The following NQO2 variants were observed in gnomAD, a reference collection of about 807,000 sequenced individuals.
The protein encoded by NQO2 is ribosyldihydronicotinamide dehydrogenase [quinone].
NQO2 carries 18 observed loss-of-function variants against 22.0 expected under a neutral mutation model. That is an observed-to-expected ratio of 0.82 (90% CI 0.56 to 1.21). NQO2 has a LOEUF of 1.21. NQO2 is among the 50% of genes most tolerant of loss of function. The pLI, the probability that NQO2 is intolerant of heterozygous loss-of-function variation, is 0.00. For missense variants in NQO2, 267 were observed against 286.9 expected, an observed-to-expected ratio of 0.93 and a Z score of 0.50; for synonymous variants, 106 against 110.8, an observed-to-expected ratio of 0.96 and a Z score of 0.28.
At position 3,012,549 on chromosome 6, in the gene NQO2, CT is replaced by C; in HGVS notation, c.181del (p.Ser61LeufsTer37). The C allele has an allele frequency of 6.2e-7, 1 of 1,614,074 alleles. No individual in the cohort carries two copies. Among genetic ancestry groups the C allele is most frequent in the Non-Finnish European group, 8.5e-7 (1 of 1,179,976 alleles). The stretch of plus-strand genomic sequence containing the variant: ...TTTGGCCTCTTCCCCGACAGGTACT[CT>C]TTCTAATCCTGAGGTTTTCAATTAT... ...RATDKDITGT[L>X]SNPEVFNYGV... On this transcript the variant is annotated frameshift_variant, in exon 4 of 7. Coordinates refer to ENST00000380455, the MANE Select transcript of NQO2 (RefSeq NM_000904.6). LOFTEE classifies it high-confidence loss of function.
chr6:3,015,131 G>A, intron 4 of NQO2: 1 of 1,298,344 alleles, frequency 7.7e-7, no homozygotes, highest in Non-Finnish European at 1.0e-6. Context: ...ACCGAACTCA[G>A]TCTGACTTCC....
intron 5 of NQO2, among the ~76,000 whole-genome samples, chr6:3,016,430 C>CAAAAAAAAAAAAAAAAAAAAAAAAAA (rs36118697): frequency 3.5e-5 from 3 of 85,696 alleles, no homozygotes; most frequent in African/African-American, 1.4e-4. Context: ...GACTCTGTCT[C>CAAAAAAAAAAAAAAAAAAAAAAAAAA]AAAAAAAAAA....
At chr6:3,009,768 G>A (rs1757080013) in intron 2 of NQO2, 1 of 215,084 alleles carries the variant, frequency 4.6e-6, no homozygotes. Context: ...TCAGGAGACT[G>A]AGGCATGAGA....
At chr6:3,011,802 CT>C (rs1757145022) in intron 3 of NQO2, among the ~76,000 whole-genome samples, 1 of 152,148 alleles carries the variant, frequency 6.6e-6, no homozygotes, top group Non-Finnish European at 1.5e-5. Context: ...AAGAACAAAA[CT>C]GTCAACCAAG....
chr6:3,005,606 G>C, intron 1 of NQO2: 1 of 982,474 alleles, frequency 1.0e-6, no homozygotes, highest in Non-Finnish European at 1.2e-6. Context: ...TTGTTGTTAA[G>C]TTTTATCTGA....
intron 4 of NQO2, among the ~76,000 whole-genome samples, chr6:3,014,701 C>A (rs751199847): frequency 7.9e-5 from 12 of 152,156 alleles, no homozygotes; most frequent in Admixed American, 2.0e-4. Context: ...AAATTTCATT[C>A]ATCACTACTG....
intron 6 of NQO2, among the ~76,000 whole-genome samples, chr6:3,018,910 A>G (rs28383649): frequency 0.057 from 8,589 of 151,396 alleles, 412 homozygotes; most frequent in African/African-American, 0.12. Context: ...AAAAGAGAAA[A>G]TCCCTTTAAT....
In NQO2 at chr6:3,006,388, C is replaced by T; in HGVS notation, c.-85-80C>T. 1 of 1,438,394 alleles carries T rather than the reference C, an allele frequency of 7.0e-7. No homozygotes were observed. The allele number at this position is 1,438,394 out of a possible 1,614,324, so 89.1% of individuals were successfully genotyped here. A position where few individuals can be genotyped will look rare whatever the true frequency, so the allele number is the denominator to read the frequency against. ...ATGTGTTTGCGTGTCTGTCAGGAAG[C>T]AGCAGTGATGCCTAGATGTGGTACA... On this transcript the variant is annotated intron_variant, in intron 1 of 6. Transcript: ENST00000380455. This position sits in a 1 kb window ranked among gnomAD's most constrained non-coding sequence, Gnocchi z 4.0.
At position 3,012,541 on chromosome 6, in the gene NQO2, C is replaced by T. The variant is rs766238170; in HGVS notation, c.173-3C>T. 1.2e-6 allele frequency: 2 copies of T among 1,613,892 alleles called. No homozygotes were observed. The highest frequency in any genetic ancestry group is 2.2e-5 in the East Asian group (1 of 44,892). ...TGAGAATGTTTGGCCTCTTCCCCGA[C>T]AGGTACTCTTTCTAATCCTGAGGTT... On this transcript the variant is annotated splice_polypyrimidine_tract_variant and splice_region_variant and intron_variant, in intron 3 of 6. Transcript: ENST00000380455.
chr6:3,002,067 T>C, intron 1 of NQO2: 1 of 254,798 alleles, frequency 3.9e-6, no homozygotes, highest in Non-Finnish European at 6.2e-6. Context: ...GAGACAGAAG[T>C]CACAAACTCA....
intron 4 of NQO2, among the ~76,000 whole-genome samples, chr6:3,014,486 G>A (rs1031916529): frequency 2.6e-5 from 4 of 152,122 alleles, no homozygotes; most frequent in Non-Finnish European, 4.4e-5. Flanking sequence ...CCCTTGGGTC[G>A]GCCGGCCACG....
Position 3,009,979 on chromosome 6 carries a change from G to A in NQO2, c.8-46G>A, listed in dbSNP as rs1458553973. 8 of 1,572,264 alleles carry A rather than the reference G, an allele frequency of 5.1e-6. No individual in the cohort carries two copies. The African/African-American group carries it at 9.5e-5, about 19-fold the overall frequency. On this transcript the variant is annotated intron_variant, in intron 2 of 6. Transcript: ENST00000380455. ...ATCTTAGTCTTCATTGAATTTAACA[G>A]AGAGAGGTTGTTCTTCAAGAGGAAC...
In NQO2 at chr6:3,012,946, C is replaced by CTTT. The variant is rs751626888; in HGVS notation, c.303+297_303+299dup. Among the ~76,000 whole-genome samples, 30 of 60,722 alleles carry CTTT rather than the reference C, an allele frequency of 4.9e-4. 8 individuals are homozygous for CTTT. The highest frequency in any genetic ancestry group is 6.6e-4 in the African/African-American group (9 of 13,538). The allele number at this position is 60,722 out of a possible 152,430, so 39.8% of individuals were successfully genotyped here. ...AACACTGTACGTAGATGTAACACTA[C>CTTT]TTTTTTTTTTTTTTTTTTTTTTTTT... On this transcript the variant is annotated intron_variant, in intron 4 of 6. Coordinates refer to ENST00000380455, the MANE Select transcript of NQO2 (RefSeq NM_000904.6).
At chr6:3,012,328 A>G (rs750072954) in intron 3 of NQO2, 18 of 917,556 alleles carry the variant, frequency 2.0e-5, no homozygotes, top group Non-Finnish European at 2.3e-5. Context: ...ATGTGTGTAG[A>G]GCACAGCACC....
chr6:3,008,165 C>G (rs1054381169), intron 2 of NQO2, among the ~76,000 whole-genome samples: 1 of 152,190 alleles, frequency 6.6e-6, no homozygotes, highest in Admixed American at 6.5e-5. Flanking sequence ...TACCAGTAAT[C>G]CCAGCACTCT....
intron 3 of NQO2, 93 bp downstream of exon 3, chr6:3,010,282 A>G: frequency 6.1e-6 from 7 of 1,138,554 alleles, no homozygotes; most frequent in Non-Finnish European, 8.5e-6. Flanking sequence ...ATGGCATTAT[A>G]GAAGCAAGCT....
At chr6:3,012,281 A>C in intron 3 of NQO2, 1 of 606,984 alleles carries the variant, frequency 1.6e-6, no homozygotes, top group Non-Finnish European at 2.1e-6. Flanking sequence ...TAAATTGGGA[A>C]ATACACCAGT....
At chr6:3,001,771 C>G (rs1363452105) in intron 1 of NQO2, among the ~76,000 whole-genome samples, 3 of 152,128 alleles carry the variant, frequency 2.0e-5, no homozygotes, top group African/African-American at 4.8e-5. Flanking sequence ...GCCCACTTGA[C>G]CTGGTATATA....
At position 3,015,522 on chromosome 6, in the gene NQO2, G is replaced by A. The variant is rs530010255; in HGVS notation, c.304-8G>A. 28 of 1,611,256 alleles carry A rather than the reference G, an allele frequency of 1.7e-5. No individual in the cohort carries two copies. The East Asian group carries it at 4.5e-4, about 26-fold the overall frequency. The stretch of plus-strand genomic sequence containing the variant: ...GCCTCAGTTTCTCTTTGGTGTTGCC[G>A]CCCACAGTTCCCGCTGTACTGGTTC... On this transcript the variant is annotated splice_region_variant and splice_polypyrimidine_tract_variant and intron_variant, in intron 4 of 6. Transcript: ENST00000380455.
Sources: gnomAD v4.1 joint callset for allele counts (sites outside exome capture counted in the v4.1 genomes callset) on GRCh38, gnomAD v4.1.1 for gene constraint, Gnocchi (gnomAD v3.1) non-coding constraint, MANE v1.5 for transcripts, NCBI Gene and HGNC (gene_info 2026-07-23, HGNC 2026-07-21) for gene names.